ST8SIA1: variants seen among roughly 807,000 people sequenced by gnomAD.
The protein encoded by ST8SIA1 is ST8 alpha-N-acetyl-neuraminide alpha-2,8-sialyltransferase 1.
Under a neutral mutation model 35.9 loss-of-function variants are expected in ST8SIA1, and 16 were observed. The ratio of observed to expected loss-of-function variants is 0.45; its 90% CI spans 0.30 to 0.68. The LOEUF (loss-of-function observed/expected upper bound fraction) is 0.68. Ranked by LOEUF, ST8SIA1 falls within the 30% of genes least tolerant of loss-of-function variation. ST8SIA1 has a pLI of 0.09. For missense variants in ST8SIA1, 383 were observed against 453.6 expected (o/e 0.84, Z 1.41); for synonymous variants, 170 against 169.6 (o/e 1.00, Z -0.02).
At chr12:22,228,336 AC>A (rs1477017166) in intron 4 of ST8SIA1, among the ~76,000 whole-genome samples, 1 of 152,076 alleles carries the variant, frequency 6.6e-6, no homozygotes, top group Non-Finnish European at 1.5e-5. Flanking sequence ...TCTCAACCCA[AC>A]CCTCTCCTTG....
chr12:22,277,336 G>A (rs1431528093), intron 2 of ST8SIA1, among the ~76,000 whole-genome samples: 6 of 149,316 alleles, frequency 4.0e-5, no homozygotes, highest in Non-Finnish European at 7.4e-5. Flanking sequence ...GGTGGAGGAT[G>A]TCACAGAAAG....
At chr12:22,231,756 G>A (rs1865424698) in intron 4 of ST8SIA1, among the ~76,000 whole-genome samples, 1 of 151,890 alleles carries the variant, frequency 6.6e-6, no homozygotes, top group Admixed American at 6.6e-5. Context: ...TGTATTTTTA[G>A]TAGAGACGGG....
intron 2 of ST8SIA1, among the ~76,000 whole-genome samples, chr12:22,281,107 C>T (rs1226950522): frequency 6.6e-6 from 1 of 152,050 alleles, no homozygotes; most frequent in Non-Finnish European, 1.5e-5. Flanking sequence ...CCTGGCATTA[C>T]CCAAATGCCA....
Position 22,334,304 on chromosome 12 carries a change from C to T in ST8SIA1, c.-72G>A. The T allele has an allele frequency of 8.3e-7, 1 of 1,211,662 alleles. No homozygotes were observed. Among genetic ancestry groups the T allele is most frequent in the Non-Finnish European group, 1.2e-6 (1 of 853,040 alleles). The allele number at this position is 1,211,662 out of a possible 1,614,324, so 75.1% of individuals were successfully genotyped here. A position where few individuals can be genotyped will look rare whatever the true frequency, so the allele number is the denominator to read the frequency against. On this transcript the variant is annotated 5_prime_UTR_variant, in exon 1 of 5. Coordinates refer to ENST00000396037, the MANE Select transcript of ST8SIA1 (RefSeq NM_003034.4). Reference sequence around the variant, plus strand: ...GCTAGGCGAAGTGGCAGCGGAGGGTCCCCCACCGCCAGCCCCCCATGCACA... The same window carrying T: ...GCTAGGCGAAGTGGCAGCGGAGGGTTCCCCACCGCCAGCCCCCCATGCACA...
At chr12:22,204,095 G>A in intron 4 of ST8SIA1, among the ~76,000 whole-genome samples, 1 of 151,956 alleles carries the variant, frequency 6.6e-6, no homozygotes, top group East Asian at 1.9e-4. Flanking sequence ...ATTCTAAGAA[G>A]TGCTCCATCT....
chr12:22,297,036 C>A (rs544207212), intron 1 of ST8SIA1, among the ~76,000 whole-genome samples: 1 of 152,054 alleles, frequency 6.6e-6, no homozygotes. Context: ...TCATGGCCCA[C>A]GGTGCTCCTG....
chr12:22,272,275 TA>T (rs1214337242), intron 2 of ST8SIA1, among the ~76,000 whole-genome samples: 4 of 152,230 alleles, frequency 2.6e-5, no homozygotes, highest in Non-Finnish European at 5.9e-5. Context: ...CCTTGAAATG[TA>T]ATTACAAGCT....
chr12:22,332,177 G>A (rs1408729842), intron 1 of ST8SIA1, among the ~76,000 whole-genome samples: 1 of 152,170 alleles, frequency 6.6e-6, no homozygotes, highest in East Asian at 1.9e-4. Flanking sequence ...AGGGATATGT[G>A]TTTAGGTAGT....
At chr12:22,235,056 T>C (rs751034900) in intron 4 of ST8SIA1, among the ~76,000 whole-genome samples, 6 of 152,262 alleles carry the variant, frequency 3.9e-5, no homozygotes, top group East Asian at 1.9e-4. Context: ...AGCGCATGTA[T>C]TGTGTGTGTG....
At chr12:22,206,229 A>G (rs1865107960) in intron 4 of ST8SIA1, among the ~76,000 whole-genome samples, 1 of 152,186 alleles carries the variant, frequency 6.6e-6, no homozygotes, top group African/African-American at 2.4e-5. Flanking sequence ...ACCTCAGTGG[A>G]TCCTGAATCT....
intron 1 of ST8SIA1, among the ~76,000 whole-genome samples, chr12:22,301,022 A>T (rs1303253064): frequency 6.6e-6 from 1 of 152,116 alleles, no homozygotes; most frequent in African/African-American, 2.4e-5. Flanking sequence ...GATATGACTT[A>T]GTGTACATTT....
At chr12:22,229,029 G>A (rs555271357) in intron 4 of ST8SIA1, among the ~76,000 whole-genome samples, 162 of 148,024 alleles carry the variant, frequency 1.1e-3, no homozygotes, top group African/African-American at 3.9e-3. Flanking sequence ...ACTCCAGCCT[G>A]GGTGACAGAG....
At chr12:22,333,160 T>G (rs1400105471) in intron 1 of ST8SIA1, among the ~76,000 whole-genome samples, 1 of 152,190 alleles carries the variant, frequency 6.6e-6, no homozygotes, top group Non-Finnish European at 1.5e-5. Context: ...AACCTCTGAG[T>G]GATCCTCAGA....
chr12:22,224,928 G>A (rs1023813273), intron 4 of ST8SIA1, among the ~76,000 whole-genome samples: 2 of 152,214 alleles, frequency 1.3e-5, no homozygotes, highest in African/African-American at 2.4e-5. Context: ...CAGCACATTA[G>A]GGTGAGCCCT....
intron 1 of ST8SIA1, among the ~76,000 whole-genome samples, chr12:22,332,227 A>G (rs1866777202): frequency 6.6e-6 from 1 of 152,222 alleles, no homozygotes; most frequent in Admixed American, 6.5e-5. Context: ...TTCTCTGCAC[A>G]TAGAGACCAG....
rs1277440749 is a variant in ST8SIA1, at chr12:22,193,636, A to G, written c.*7916T>C. On this transcript the variant is annotated 3_prime_UTR_variant, in exon 5 of 5. Transcript: ENST00000396037. ...TTTTTCTAATCACACCGTAGAAAGT[A>G]CCAATTAAAGTTTTCTTTTTTACCT... is the stretch of plus-strand genomic sequence containing the variant. The G allele has an allele frequency of 6.6e-6, 1 of 152,228 alleles. No individual in the cohort carries two copies. 9.4% of individuals were successfully genotyped at this position (152,228 alleles called of 1,614,324 possible).
chr12:22,237,550 A>G (rs903627122), intron 4 of ST8SIA1, among the ~76,000 whole-genome samples: 1 of 151,074 alleles, frequency 6.6e-6, no homozygotes, highest in Non-Finnish European at 1.5e-5. Flanking sequence ...TATTTTTTTC[A>G]CTTAATATTA....
At position 22,197,712 on chromosome 12, in the gene ST8SIA1, C is replaced by T. The variant is rs1865005465; in HGVS notation, c.*3840G>A. On this transcript the variant is annotated 3_prime_UTR_variant, in exon 5 of 5. Transcript: ENST00000396037. ...ATTTTAAGCCATGTTGTCCAGATTG[C>T]TTCAGGTACAAGTTATATATAGCCT... The T allele has an allele frequency of 6.6e-6, 1 of 152,090 alleles. No homozygotes were observed. Among genetic ancestry groups the T allele is most frequent in the Non-Finnish European group, 1.5e-5 (1 of 68,028 alleles). The allele number at this position is 152,090 out of a possible 1,614,324, so 9.4% of individuals were successfully genotyped here.
chr12:22,259,976 T>C (rs745975161), intron 2 of ST8SIA1, among the ~76,000 whole-genome samples: 6 of 152,118 alleles, frequency 3.9e-5, no homozygotes, highest in Non-Finnish European at 8.8e-5. Flanking sequence ...AATATTTTTA[T>C]TGAGGCATTG....
Sources: gnomAD v4.1 joint callset for allele counts (sites outside exome capture counted in the v4.1 genomes callset) on GRCh38, gnomAD v4.1.1 for gene constraint, MANE v1.5 for transcripts, NCBI Gene and HGNC (gene_info 2026-07-23, HGNC 2026-07-21) for gene names.